FNDC1: variants seen among roughly 807,000 people sequenced by gnomAD.
FNDC1 encodes the protein fibronectin type III domain containing 1, also known as fibronectin type III domain-containing protein 1.
A neutral mutation model predicts 168.0 loss-of-function variants in FNDC1; 96 were observed. That is an observed-to-expected ratio of 0.57 (90% CI 0.48 to 0.68). FNDC1 has a LOEUF of 0.68. Among genes scored for constraint, FNDC1 ranks in the 30% least tolerant of loss-of-function variants. The pLI is 0.00. For synonymous variants in FNDC1, 1,099 were observed against 1,025.9 expected (o/e 1.07, Z -1.36); for missense variants, 2,587 against 2,482.1 (o/e 1.04, Z -0.90).
intron 17 of FNDC1, among the ~76,000 whole-genome samples, chr6:159,252,522 G>T (rs1303538246): frequency 1.3e-5 from 2 of 152,200 alleles, no homozygotes; most frequent in Non-Finnish European, 2.9e-5. Context: ...TGGGTATTCT[G>T]CCAGGTGAGA....
chr6:159,215,306 CCA>C (rs1264434515), intron 5 of FNDC1, among the ~76,000 whole-genome samples, 155 bp downstream of exon 5: 1 of 152,268 alleles, frequency 6.6e-6, no homozygotes, highest in Non-Finnish European at 1.5e-5. Flanking sequence ...TCTTCCATGT[CCA>C]TCCTGGACGC....
rs1782937304 is a variant in FNDC1, at chr6:159,225,576, G to T, written c.926G>T (p.Arg309Met). The T allele has an allele frequency of 6.2e-7, 1 of 1,613,858 alleles. No individual in the cohort carries two copies. Among genetic ancestry groups the T allele is most frequent in the Admixed American group, 1.7e-5 (1 of 60,020 alleles). Residue 309 changes from arginine to methionine, a missense_variant, in exon 8 of 23, where the codon AGG (arginine) becomes ATG (methionine). Arg to Met is a moderately conservative substitution (Grantham distance 91). Coordinates refer to ENST00000297267, the MANE Select transcript of FNDC1 (RefSeq NM_032532.3). ...VRYREKGELA[R>M]WDYKQIANRR... ...TATCGAGAGAAGGGGGAATTGGCCA[G>T]GTGGGATTATAAGCAGATCGCTAAC...
In FNDC1 at chr6:159,260,995, G is replaced by T. The variant is rs530923720; in HGVS notation, c.5175-195G>T. Among the ~76,000 whole-genome samples, 9 of 152,278 alleles carry T rather than the reference G, an allele frequency of 5.9e-5. No individual in the cohort carries two copies. Among genetic ancestry groups the T allele is most frequent in the Middle Eastern group, 6.8e-3 (2 of 294 alleles). Reference sequence around the variant, plus strand: ...GCCATGTGTCCCTGCTATGTTAATTGTATTATTTAGAGAATTTATTCAAAA... The same window carrying T: ...GCCATGTGTCCCTGCTATGTTAATTTTATTATTTAGAGAATTTATTCAAAA... On this transcript the variant is annotated intron_variant, in intron 18 of 22. Transcript: ENST00000297267.
At chr6:159,185,331 G>T (rs895068641) in intron 1 of FNDC1, among the ~76,000 whole-genome samples, 1 of 152,122 alleles carries the variant, frequency 6.6e-6, no homozygotes, top group Non-Finnish European at 1.5e-5. Context: ...CAAACAGAAA[G>T]TAATGAAAAT....
At chr6:159,238,446 T>C in intron 12 of FNDC1, 108 bp from the exon 13 acceptor site, 1 of 692,830 alleles carries the variant, frequency 1.4e-6, no homozygotes, top group Non-Finnish European at 2.4e-6. Context: ...TCTACTCACA[T>C]TACGGTTTCC....
At chr6:159,250,619 C>T (rs771148227) in intron 16 of FNDC1, among the ~76,000 whole-genome samples, 7 of 152,180 alleles carry the variant, frequency 4.6e-5, no homozygotes, top group African/African-American at 7.2e-5. Context: ...TCAGCGTTGG[C>T]AGGCGAGATG....
chr6:159,244,644 A>G (rs1315928626), intron 14 of FNDC1, among the ~76,000 whole-genome samples: 1 of 152,204 alleles, frequency 6.6e-6, no homozygotes, highest in Admixed American at 6.5e-5. Context: ...ATTTCCCCTT[A>G]ATTACACTGT....
Position 159,225,660 on chromosome 6 carries a change from T to C in FNDC1, c.1010T>C (p.Ile337Thr). 6.2e-7 allele frequency: 1 copy of C among 1,614,004 alleles called. No individual in the cohort carries two copies. The highest frequency in any genetic ancestry group is 8.5e-7 in the Non-Finnish European group (1 of 1,179,876). The stretch of plus-strand genomic sequence containing the variant: ...ACTGTGTATGAATTTGCAGTCCGTA[T>C]TTCACAGGGTGAAAGAGATGGCAAA... Reference protein sequence around the residue: ...PDTVYEFAVRISQGERDGKWS... With the variant: ...PDTVYEFAVRTSQGERDGKWS... Residue 337 changes from isoleucine to threonine, a missense_variant, in exon 8 of 23, where the codon ATT (isoleucine) becomes ACT (threonine). Physicochemically the swap from Ile to Thr is moderately conservative, Grantham distance 89. Transcript: ENST00000297267.
In FNDC1 at chr6:159,169,602, C is replaced by T. The variant is rs2114907329; in HGVS notation, c.6C>T (p.Ala2=). 3 of 1,115,546 alleles carry T rather than the reference C, an allele frequency of 2.7e-6. No homozygotes were observed. The highest frequency in any genetic ancestry group is 5.2e-5 in the East Asian group (1 of 19,200). The allele number at this position is 1,115,546 out of a possible 1,614,324, so 69.1% of individuals were successfully genotyped here. A position where few individuals can be genotyped will look rare whatever the true frequency, so the allele number is the denominator to read the frequency against. ...CGGCCCACCCCGGGCTCTCGATGGC[C>T]CCCGAGGCCGGGGCGACCCTGCGCG... M[A]PEAGATLRAP... Residue 2 remains alanine, a synonymous_variant, in exon 1 of 23, where the codon GCC becomes GCT. Transcript: ENST00000297267. The surrounding 1 kb of genome is among the most constrained non-coding windows in gnomAD (Gnocchi z 6.8).
chr6:159,192,533 A>G (rs1782163318), intron 1 of FNDC1, among the ~76,000 whole-genome samples: 1 of 152,218 alleles, frequency 6.6e-6, no homozygotes, highest in Admixed American at 6.5e-5. Context: ...ATATGCCTGG[A>G]CACTGAAGGA....
At chr6:159,181,702 A>G (rs1157250995) in intron 1 of FNDC1, among the ~76,000 whole-genome samples, 2 of 152,166 alleles carry the variant, frequency 1.3e-5, no homozygotes, top group African/African-American at 4.8e-5. Flanking sequence ...TTTGGTGTTG[A>G]CTCAATCTGA....
chr6:159,233,833 T>C lies in FNDC1; in HGVS notation c.3321T>C (p.Leu1107=), dbSNP rs1253463091. 3.2e-6 allele frequency: 5 copies of C among 1,542,780 alleles called. No individual in the cohort carries two copies. In the African/African-American group the frequency reaches 6.9e-5, roughly 21 times the overall value. Residue 1107 remains leucine, a synonymous_variant, in exon 11 of 23, where the codon CTT becomes CTC. Coordinates refer to ENST00000297267, the MANE Select transcript of FNDC1 (RefSeq NM_032532.3). The surrounding 1 kb of genome is among the most constrained non-coding windows in gnomAD (Gnocchi z 4.6). ...GCGCCAAGGAGGCAGCTGCGTCCCTTCCCAAGCACCAGCAGGTGGAGTCTC... is the reference window on the plus strand; with the variant it reads ...GCGCCAAGGAGGCAGCTGCGTCCCTCCCCAAGCACCAGCAGGTGGAGTCTC... ...AARAKEAAAS[L]PKHQQVESPT...
chr6:159,266,815 A>C (rs376395011), intron 21 of FNDC1, among the ~76,000 whole-genome samples: 1 of 152,088 alleles, frequency 6.6e-6, no homozygotes, highest in African/African-American at 2.4e-5. Context: ...ATGGTGGAAC[A>C]TATATCAGCA....
Position 159,188,349 on chromosome 6 carries a change from G to A in FNDC1, c.110-9082G>A, listed in dbSNP as rs536400132. On this transcript the variant is annotated intron_variant, in intron 1 of 22. Transcript: ENST00000297267. ...CTAGGAATGGCAGTCGTACCAGGTG[G>A]TATCTGCCTCAATTTCTTTCTTTTT... Among the ~76,000 whole-genome samples, 107 of 148,530 alleles carry A rather than the reference G, an allele frequency of 7.2e-4. 1 individual carries two copies. Among genetic ancestry groups the A allele is most frequent in the African/African-American group, 2.7e-3 (105 of 39,292 alleles).
At chr6:159,219,627 G>A (rs1450720980) in intron 5 of FNDC1, among the ~76,000 whole-genome samples, 1 of 152,184 alleles carries the variant, frequency 6.6e-6, no homozygotes, top group Non-Finnish European at 1.5e-5. Context: ...GCTTAGCACA[G>A]GGGAGAGCTG....
Position 159,215,124 on chromosome 6 carries a change from G to A in FNDC1, c.640G>A (p.Glu214Lys), listed in dbSNP as rs1782684400. ...GAATTATGTTCCACTGACAAGAGAT[G>A]AACGGACACACGAAATTAAAAAGCT... is the stretch of plus-strand genomic sequence containing the variant. ...KMNYVPLTRDERTHEIKKLAS... is the reference protein window; with the variant it reads ...KMNYVPLTRDKRTHEIKKLAS... The change falls in exon 5 of 23, where the codon GAA becomes AAA. Residue 214 changes from glutamate to lysine, a missense_variant. Transcript: ENST00000297267. 1 of 1,613,778 alleles carries A rather than the reference G, an allele frequency of 6.2e-7. No individual in the cohort carries two copies. The highest frequency in any genetic ancestry group is 1.3e-5 in the African/African-American group (1 of 74,934).
chr6:159,233,034 C>G lies in FNDC1; in HGVS notation c.2522C>G (p.Pro841Arg). ...SPSRFSIGRG[P>R]RLQPSSSPQS... is the part of the protein sequence containing the mutation. The stretch of plus-strand genomic sequence containing the variant: ...AGCAGGTTCAGCATTGGGCGGGGAC[C>G]TCGGCTGCAGCCCTCCAGCTCCCCA... Residue 841 changes from proline to arginine, a missense_variant, in exon 11 of 23, where the codon CCT becomes CGT. Physicochemically the swap from Pro to Arg is moderately radical, Grantham distance 103. Transcript: ENST00000297267. The surrounding 1 kb of genome is among the most constrained non-coding windows in gnomAD (Gnocchi z 4.6). The G allele has an allele frequency of 6.2e-7, 1 of 1,612,040 alleles. No individual in the cohort carries two copies. The highest frequency in any genetic ancestry group is 1.7e-5 in the Admixed American group (1 of 59,826).
Position 159,239,574 on chromosome 6 carries a change from G to A in FNDC1, c.4238G>A (p.Arg1413Gln). The part of the protein sequence containing the change: ...PDGLPLFGQG[R>Q]HGTPLANAQD... ...GGCCTCCCACTCTTTGGGCAGGGGCGACATGGCACACCTCTGGCCAATGCC... is the reference window on the plus strand; with the variant it reads ...GGCCTCCCACTCTTTGGGCAGGGGCAACATGGCACACCTCTGGCCAATGCC... Residue 1413 changes from arginine (R) to glutamine (Q), a missense_variant, in exon 14 of 23, where the codon CGA becomes CAA. Coordinates refer to ENST00000297267, the MANE Select transcript of FNDC1 (RefSeq NM_032532.3). 3.7e-6 allele frequency: 6 copies of A among 1,601,354 alleles called. 1 individual carries two copies. The highest frequency in any genetic ancestry group is 1.1e-5 in the South Asian group (1 of 88,316).
intron 20 of FNDC1, among the ~76,000 whole-genome samples, chr6:159,265,669 C>T (rs1777576889): frequency 6.6e-6 from 1 of 152,188 alleles, no homozygotes; most frequent in African/African-American, 2.4e-5. Flanking sequence ...GTGGCTCATT[C>T]CTGTAATCCT....
Sources: allele counts gnomAD v4.1 joint callset (sites outside exome capture counted in the v4.1 genomes callset), GRCh38; gene constraint gnomAD v4.1.1; non-coding constraint Gnocchi (gnomAD v3.1); transcripts MANE v1.5; gene names NCBI Gene and HGNC (gene_info 2026-07-23, HGNC 2026-07-21).